The following NLRC3 variants were observed in gnomAD, a reference collection of about 807,000 sequenced individuals.
NLRC3 encodes the protein NLR family CARD domain containing 3.
Under a neutral mutation model 91.6 loss-of-function variants are expected in NLRC3, and 87 were observed. That is an observed-to-expected ratio of 0.95 (90% CI 0.80 to 1.14). The LOEUF (loss-of-function observed/expected upper bound fraction) is 1.14, where lower values mean the gene tolerates loss of function less well. Ranked by LOEUF, NLRC3 falls within the 50% of genes most tolerant of loss-of-function variation. NLRC3 has a pLI of 0.00. For missense variants in NLRC3, 1,577 were observed against 1,418.6 expected, an observed-to-expected ratio of 1.11 and a Z score of -1.79; for synonymous variants, 694 against 625.3, an observed-to-expected ratio of 1.11 and a Z score of -1.64.
At chr16:3,548,837 G>T in intron 13 of NLRC3, 84 bp from the exon 14 acceptor site, 1 of 955,488 alleles carries the variant, frequency 1.0e-6, no homozygotes, top group Non-Finnish European at 1.6e-6. Flanking sequence ...TCCAGGGCTT[G>T]ATACCAGATC....
In NLRC3 at chr16:3,574,007, C is replaced by CTTTT. The variant is rs35126359; in HGVS notation, c.-169+3138_-169+3141dup. Among the ~76,000 whole-genome samples, 212 of 40,418 alleles carry CTTTT rather than the reference C, an allele frequency of 5.2e-3. 23 individuals are homozygous for CTTTT. Among genetic ancestry groups the CTTTT allele is most frequent in the African/African-American group, 0.014 (134 of 9,862 alleles). The allele number at this position is 40,418 out of a possible 152,430, so 26.5% of individuals were successfully genotyped here. Reference sequence around the variant, plus strand: ...GCTTGGCCCATTGTAACCATTTTATCTTTTTTTTTTTTTTTTTTTTTTTTT... The same window carrying CTTTT: ...GCTTGGCCCATTGTAACCATTTTATCTTTTTTTTTTTTTTTTTTTTTTTTTTTTT... On this transcript the variant is annotated intron_variant, in intron 1 of 19. Transcript: ENST00000359128.
intron 1 of NLRC3, among the ~76,000 whole-genome samples, chr16:3,570,721 G>A (rs972135247): frequency 5.9e-5 from 9 of 152,156 alleles, no homozygotes; most frequent in African/African-American, 1.9e-4. Context: ...CAAGGAAACA[G>A]CAAGTGCTTA....
At chr16:3,573,861 C>G (rs187347405) in intron 1 of NLRC3, among the ~76,000 whole-genome samples, 1 of 152,042 alleles carries the variant, frequency 6.6e-6, no homozygotes, top group African/African-American at 2.4e-5. Context: ...CTTTGTTGCC[C>G]AGGCTGGAGT....
chr16:3,562,760 A>G (rs1460382989), intron 5 of NLRC3: 1 of 590,054 alleles, frequency 1.7e-6, no homozygotes, highest in Non-Finnish European at 3.1e-6. Flanking sequence ...ACTGGAAGCT[A>G]GAGAGGAAGG....
At position 3,563,799 on chromosome 16, in the gene NLRC3, C is replaced by T. The variant is rs780106253; in HGVS notation, c.1138G>A (p.Gly380Ser). The stretch of plus-strand genomic sequence containing the variant: ...TGCTCGATGCGAGGGCTTGCCTTGC[C>T]CTTCTCCTGCCCCTCCCCGCTGAGG... ...MALSGEGQEK[G>S]KASPRIEQVA... The change falls in exon 5 of 20, where the codon GGC becomes AGC. Residue 380 changes from glycine to serine, a missense_variant. Physicochemically the swap from Gly to Ser is moderately conservative, Grantham distance 56 (BLOSUM62 0). Coordinates refer to ENST00000359128, the MANE Select transcript of NLRC3 (RefSeq NM_178844.4). The T allele has an allele frequency of 4.3e-6, 7 of 1,611,338 alleles. No individual in the cohort carries two copies. Among genetic ancestry groups the T allele is most frequent in the South Asian group, 2.2e-5 (2 of 90,874 alleles).
Position 3,540,204 on chromosome 16 carries a change from A to G in NLRC3, c.*1621T>C, listed in dbSNP as rs1200326421. The G allele has an allele frequency of 6.6e-6, 1 of 152,190 alleles. No homozygotes were observed. Among genetic ancestry groups the G allele is most frequent in the African/African-American group, 2.4e-5 (1 of 41,438 alleles). 9.4% of individuals were successfully genotyped at this position (152,190 alleles called of 1,614,324 possible). On this transcript the variant is annotated 3_prime_UTR_variant, in exon 20 of 20. Coordinates refer to ENST00000359128, the MANE Select transcript of NLRC3 (RefSeq NM_178844.4). ...GGGGTGCCGTTTTGAGACTGCAAGG[A>G]TATCATCTTCCCGAGTAGGCCTTCA...
intron 3 of NLRC3, 50 bp downstream of exon 3, chr16:3,565,269 A>G (rs1162481598): frequency 7.2e-6 from 5 of 689,964 alleles, no homozygotes; most frequent in Admixed American, 6.1e-5. Context: ...GCAGGGGCCC[A>G]GTGGATGATA....
intron 3 of NLRC3, 78 bp downstream of exon 3, chr16:3,565,234 GGGTGGTA>G: frequency 1.4e-6 from 1 of 697,764 alleles, no homozygotes; most frequent in Middle Eastern, 3.0e-4. Context: ...ATTTGTTCCT[GGGTGGTA>G]GCAATGATCA....
intron 8 of NLRC3, 82 bp downstream of exon 8, chr16:3,556,829 C>T (rs2039359436): frequency 1.1e-6 from 1 of 909,362 alleles, no homozygotes; most frequent in African/African-American, 1.6e-5. Context: ...GAATCACCTC[C>T]CATTCTCATA....
Position 3,556,773 on chromosome 16 carries a change from G to T in NLRC3, c.2183+138C>A, listed in dbSNP as rs1260282061. ...CTGTCTCAGCCTCCCAAAGGGTTGGGATTACAGATGTGAGCCACTGTGCCC... is the reference window on the plus strand; with the variant it reads ...CTGTCTCAGCCTCCCAAAGGGTTGGTATTACAGATGTGAGCCACTGTGCCC... On this transcript the variant is annotated intron_variant, in intron 8 of 19. Transcript: ENST00000359128. The T allele has an allele frequency of 1.6e-5, 10 of 643,882 alleles. No homozygotes were observed. In the East Asian group the frequency reaches 1.7e-4, roughly 11 times the overall value. The allele number at this position is 643,882 out of a possible 1,614,324, so 39.9% of individuals were successfully genotyped here.
chr16:3,563,786 G>A lies in NLRC3; in HGVS notation c.1151C>T (p.Pro384Leu). The change falls in exon 5 of 20, where the codon CCT (proline) becomes CTT (leucine). Residue 384 changes from proline (P) to leucine (L), a missense_variant. Transcript: ENST00000359128. ...GEGQEKGKAS[P>L]RIEQVAHGGR... ...ACCATGGGCCACCTGCTCGATGCGA[G>A]GGCTTGCCTTGCCCTTCTCCTGCCC... 1 of 1,612,658 alleles carries A rather than the reference G, an allele frequency of 6.2e-7. No individual in the cohort carries two copies. The highest frequency in any genetic ancestry group is 8.5e-7 in the Non-Finnish European group (1 of 1,179,300).
rs1294541611 is a variant in NLRC3 at position 3,557,691 on chromosome 16, G to A, written c.2016-15C>T. ...TCTCCGCCAAGCTGCCCAAGGAAAG[G>A]GAGAGGAGTGGTTATTTTAGGCATG... On this transcript the variant is annotated splice_polypyrimidine_tract_variant and intron_variant, in intron 6 of 19. Transcript: ENST00000359128. 1 of 1,583,806 alleles carries A rather than the reference G, an allele frequency of 6.3e-7. No individual in the cohort carries two copies. Among genetic ancestry groups the A allele is most frequent in the Non-Finnish European group, 8.7e-7 (1 of 1,153,460 alleles).
Position 3,543,549 on chromosome 16 carries a change from C to A in NLRC3, c.2856-41G>T, listed in dbSNP as rs17136456. ...TGCCGTCAGTGTGAGCCGGCTGGGCCCACCTCCCTCCGCATACTCCGTTCC... is the reference window on the plus strand; with the variant it reads ...TGCCGTCAGTGTGAGCCGGCTGGGCACACCTCCCTCCGCATACTCCGTTCC... On this transcript the variant is annotated intron_variant, in intron 16 of 19. Coordinates refer to ENST00000359128, the MANE Select transcript of NLRC3 (RefSeq NM_178844.4). 3 of 1,374,474 alleles carry A rather than the reference C, an allele frequency of 2.2e-6. No homozygotes were observed. The African/African-American group carries it at 4.3e-5, about 19-fold the overall frequency. 85.1% of individuals were successfully genotyped at this position (1,374,474 alleles called of 1,614,324 possible). A position where few individuals can be genotyped will look rare whatever the true frequency, so the allele number is the denominator to read the frequency against.
chr16:3,563,218 C>G lies in NLRC3; in HGVS notation c.1719G>C (p.Glu573Asp), dbSNP rs748149175. Reference sequence around the variant, plus strand: ...TGCGGGCCAGCTCGGTGTGCTGCAGCTCATGCAGGCAGTGCAACACGTTGA... The same window carrying G: ...TGCGGGCCAGCTCGGTGTGCTGCAGGTCATGCAGGCAGTGCAACACGTTGA... ...RAINVLHCLH[E>D]LQHTELARSV... Residue 573 changes from glutamate to aspartate, a missense_variant, in exon 5 of 20, where the codon GAG becomes GAC. Physicochemically the swap from Glu to Asp is conservative, Grantham distance 45 (BLOSUM62 2). Coordinates refer to ENST00000359128, the MANE Select transcript of NLRC3 (RefSeq NM_178844.4). 18 of 1,601,464 alleles carry G rather than the reference C, an allele frequency of 1.1e-5. No homozygotes were observed. The South Asian group carries it at 1.6e-4, about 14-fold the overall frequency.
intron 6 of NLRC3, among the ~76,000 whole-genome samples, chr16:3,558,254 C>A (rs2039443799): frequency 6.6e-6 from 1 of 152,130 alleles, no homozygotes; most frequent in African/African-American, 2.4e-5. Flanking sequence ...AGGATTTAGC[C>A]TAGAAGGTTG....
chr16:3,557,732 C>A, intron 6 of NLRC3, 56 bp from the exon 7 acceptor site: 1 of 1,083,068 alleles, frequency 9.2e-7, no homozygotes, highest in East Asian at 2.4e-5. Flanking sequence ...CTCATGGCCT[C>A]TTCCTCAACG....
chr16:3,559,707 T>C (rs1183454375), intron 6 of NLRC3, among the ~76,000 whole-genome samples: 1 of 151,468 alleles, frequency 6.6e-6, no homozygotes, highest in Non-Finnish European at 1.5e-5. Flanking sequence ...GGCGCAATCT[T>C]GGCTCACTGC....
chr16:3,543,890 A>G (rs1173694367), intron 16 of NLRC3: 8 of 346,764 alleles, frequency 2.3e-5, no homozygotes, highest in Non-Finnish European at 3.8e-5. Context: ...GTGGTGGCTC[A>G]CACCTGTAAT....
intron 6 of NLRC3, among the ~76,000 whole-genome samples, chr16:3,560,985 G>C (rs867716084): frequency 6.6e-6 from 1 of 151,632 alleles, no homozygotes; most frequent in Admixed American, 6.6e-5. Flanking sequence ...ATTAAAAATT[G>C]TTTAAATTGA....
Sources: allele counts gnomAD v4.1 joint callset (sites outside exome capture counted in the v4.1 genomes callset), GRCh38; gene constraint gnomAD v4.1.1; transcripts MANE v1.5; gene names NCBI Gene and HGNC (gene_info 2026-07-23, HGNC 2026-07-21).